The following CACNA1H variants were observed in gnomAD, a reference collection of about 807,000 sequenced individuals.
CACNA1H encodes voltage-dependent T-type calcium channel subunit alpha-1H.
Under a neutral mutation model 192.5 loss-of-function variants are expected in CACNA1H, and 149 were observed. The observed-to-expected ratio is 0.77, with a 90% CI of 0.68 to 0.89. The LOEUF (loss-of-function observed/expected upper bound fraction) is 0.89, where lower values mean the gene tolerates loss of function less well. CACNA1H is among the 40% of genes least tolerant of loss of function. CACNA1H has a pLI of 0.00. For synonymous variants in CACNA1H, 2,202 were observed against 1,475.2 expected, an observed-to-expected ratio of 1.49 and a Z score of -11.29; for missense variants, 4,257 against 3,423.5, an observed-to-expected ratio of 1.24 and a Z score of -6.08.
Position 1,211,823 on chromosome 16 carries a change from G to C in CACNA1H, c.4566+18G>C, listed in dbSNP as rs376034289. ...ACCAGCAGGTGCGCACAGGCGGGTC[G>C]AGCTGGGTCACCTCAGGGTCTCCCG... On this transcript the variant is annotated intron_variant, in intron 24 of 34. Transcript: ENST00000348261. 1 of 1,611,566 alleles carries C rather than the reference G, an allele frequency of 6.2e-7. No homozygotes were observed.
chr16:1,201,868 G>A lies in CACNA1H; in HGVS notation c.1418G>A (p.Arg473Gln), dbSNP rs745880680. 4 of 1,556,410 alleles carry A rather than the reference G, an allele frequency of 2.6e-6. No individual in the cohort carries two copies. Among genetic ancestry groups the A allele is most frequent in the Non-Finnish European group, 3.5e-6 (4 of 1,150,700 alleles). Residue 473 changes from arginine to glutamine, a missense_variant, in exon 9 of 35, where the codon CGG becomes CAG. Arg to Gln is a conservative substitution (Grantham distance 43, BLOSUM62 1). Transcript: ENST00000348261. Reference protein sequence around the residue: ...YVGHIFRKVKRRSLRLYARWQ... With the variant: ...YVGHIFRKVKQRSLRLYARWQ... ...GGCCACATATTCCGCAAGGTCAAGCGGCGCAGCTTGCGCCTCTACGCCCGC... is the reference window on the plus strand; with the variant it reads ...GGCCACATATTCCGCAAGGTCAAGCAGCGCAGCTTGCGCCTCTACGCCCGC...
At chr16:1,165,502 C>T (rs1473747244) in intron 2 of CACNA1H, among the ~76,000 whole-genome samples, 3 of 152,122 alleles carry the variant, frequency 2.0e-5, no homozygotes, top group South Asian at 2.1e-4. Flanking sequence ...CACTCACAGC[C>T]GGGGAGCTCC....
chr16:1,183,681 G>T (rs534691133), intron 2 of CACNA1H, among the ~76,000 whole-genome samples: 100 of 152,352 alleles, frequency 6.6e-4, no homozygotes, highest in African/African-American at 2.3e-3. Flanking sequence ...GCACCGTCCC[G>T]TCCTGCAGGT....
At chr16:1,208,249 C>T (rs761032650) in intron 16 of CACNA1H, 28 bp downstream of exon 16, 154 of 1,492,386 alleles carry the variant, frequency 1.0e-4, no homozygotes, top group Non-Finnish European at 1.2e-4. Flanking sequence ...CCCCAGCTCT[C>T]AGGCCCCTTC....
chr16:1,176,102 C>A (rs560993385), intron 2 of CACNA1H, among the ~76,000 whole-genome samples: 1 of 152,376 alleles, frequency 6.6e-6, no homozygotes, highest in East Asian at 1.9e-4. Context: ...CACCTCATCG[C>A]AGATTGGCTT....
intron 16 of CACNA1H, 115 bp from the exon 17 acceptor site, chr16:1,208,917 C>G (rs1166470574): frequency 1.8e-6 from 2 of 1,130,054 alleles, no homozygotes; most frequent in Non-Finnish European, 2.3e-6. Context: ...GCCTCCCTGG[C>G]GGGGCTATGC....
chr16:1,164,728 G>A (rs998121045), intron 2 of CACNA1H, among the ~76,000 whole-genome samples: 3 of 152,290 alleles, frequency 2.0e-5, no homozygotes, highest in South Asian at 4.2e-4. Flanking sequence ...CTCAAGCCCC[G>A]CAGAGGGGCC....
chr16:1,165,645 C>A (rs1271514338), intron 2 of CACNA1H, among the ~76,000 whole-genome samples: 1 of 152,182 alleles, frequency 6.6e-6, no homozygotes, highest in African/African-American at 2.4e-5. Flanking sequence ...CAGCTGCGTC[C>A]CCCCGAGGCC....
At chr16:1,172,676 CA>C (rs1487342045) in intron 2 of CACNA1H, among the ~76,000 whole-genome samples, 3 of 152,176 alleles carry the variant, frequency 2.0e-5, no homozygotes, top group Non-Finnish European at 4.4e-5. Context: ...CCTGTAGCCA[CA>C]GGGGCAGAGC....
rs1178136944 is a variant in CACNA1H at position 1,153,956 on chromosome 16, G to C, written c.219G>C (p.Pro73=). ...ACGAGGAGCAGCGCGTCCCGTACCC[G>C]GCCTTGGCGGCCACGGTCTTCTTCT... ...GADEEQRVPY[P]ALAATVFFCL... is the part of the protein sequence containing the mutation. Residue 73 remains proline (P), a synonymous_variant, in exon 2 of 35, where the codon CCG becomes CCC. Transcript: ENST00000348261. The C allele has an allele frequency of 1.4e-6, 2 of 1,451,188 alleles. No homozygotes were observed. The highest frequency in any genetic ancestry group is 1.3e-5 in the South Asian group (1 of 76,300). 89.9% of individuals were successfully genotyped at this position (1,451,188 alleles called of 1,614,324 possible).
chr16:1,183,188 G>A (rs956859418), intron 2 of CACNA1H, among the ~76,000 whole-genome samples: 2 of 152,110 alleles, frequency 1.3e-5, no homozygotes, highest in Admixed American at 6.5e-5. Flanking sequence ...ACCCCCGTGC[G>A]GCTGTGGGAA....
Position 1,207,450 on chromosome 16 carries a change from G to A in CACNA1H, c.3063+20G>A, listed in dbSNP as rs1222406170. 2 of 1,610,282 alleles carry A rather than the reference G, an allele frequency of 1.2e-6. No individual in the cohort carries two copies. The highest frequency in any genetic ancestry group is 4.5e-5 in the East Asian group (2 of 44,842). On this transcript the variant is annotated intron_variant, in intron 14 of 34. Transcript: ENST00000348261. Reference sequence around the variant, plus strand: ...GCGGAGGTGAGGGGGCAGGGAGAGGGGCTGCCAGGAGGAGGGCGATGAGAA... The same window carrying A: ...GCGGAGGTGAGGGGGCAGGGAGAGGAGCTGCCAGGAGGAGGGCGATGAGAA...
intron 31 of CACNA1H, among the ~76,000 whole-genome samples, chr16:1,217,521 C>T (rs1242470815): frequency 6.6e-6 from 1 of 152,188 alleles, no homozygotes; most frequent in Non-Finnish European, 1.5e-5. Context: ...AGCCCAGTCC[C>T]TGCAGGGCCC....
chr16:1,189,755 G>T (rs950951654), intron 2 of CACNA1H, among the ~76,000 whole-genome samples: 1 of 152,074 alleles, frequency 6.6e-6, no homozygotes, highest in Admixed American at 6.5e-5. Flanking sequence ...TGGGGCTGAG[G>T]GACAGGATGG....
chr16:1,207,477 A>G (rs370628307), intron 14 of CACNA1H, 47 bp downstream of exon 14: 5 of 1,587,750 alleles, frequency 3.1e-6, no homozygotes, highest in Non-Finnish European at 4.3e-6. Flanking sequence ...CGATGAGAAG[A>G]GAGACGGGCT....
chr16:1,211,164 C>T lies in CACNA1H; in HGVS notation c.4224-4C>T. 1.2e-6 allele frequency: 2 copies of T among 1,612,604 alleles called. No homozygotes were observed. The highest frequency in any genetic ancestry group is 1.7e-6 in the Non-Finnish European group (2 of 1,179,698). On this transcript the variant is annotated splice_region_variant and splice_polypyrimidine_tract_variant and intron_variant, in intron 21 of 34. Coordinates refer to ENST00000348261, the MANE Select transcript of CACNA1H (RefSeq NM_021098.3). ...ACTGCAGTGTATCCTTCACTCCCCT[C>T]CAGGGTCATCAGCCGGGCCCCGGGC...
In CACNA1H at chr16:1,220,973, T is replaced by C. The variant is rs774132789; in HGVS notation, c.7041T>C (p.Gly2347=). The change falls in exon 35 of 35, where the codon GGT becomes GGC. Residue 2347 remains glycine (G), a synonymous_variant. Coordinates refer to ENST00000348261, the MANE Select transcript of CACNA1H (RefSeq NM_021098.3). ...GSPSATPAPG[G]GADDPV Reference sequence around the variant, plus strand: ...CCTCAGCCACCCCTGCCCCAGGGGGTGGTGCAGATGACCCCGTGTAGCTCG... The same window carrying C: ...CCTCAGCCACCCCTGCCCCAGGGGGCGGTGCAGATGACCCCGTGTAGCTCG... 4.4e-6 allele frequency: 7 copies of C among 1,595,820 alleles called. No individual in the cohort carries two copies. The African/African-American group carries it at 9.5e-5, about 22-fold the overall frequency.
intron 26 of CACNA1H, 92 bp downstream of exon 26, chr16:1,212,620 A>G: frequency 6.8e-7 from 1 of 1,480,400 alleles, no homozygotes; most frequent in Non-Finnish European, 9.2e-7. Context: ...GGTCCTCCGC[A>G]GGGTGGGCAC....
intron 2 of CACNA1H, among the ~76,000 whole-genome samples, chr16:1,166,492 C>T (rs117898243): frequency 2.0e-5 from 3 of 152,208 alleles, no homozygotes; most frequent in Admixed American, 1.3e-4. Flanking sequence ...TTATCCACCA[C>T]CTAACTCGCC....
Sources: allele counts gnomAD v4.1 joint callset (sites outside exome capture counted in the v4.1 genomes callset), GRCh38; gene constraint gnomAD v4.1.1; transcripts MANE v1.5; gene names NCBI Gene and HGNC (gene_info 2026-07-23, HGNC 2026-07-21).